Variants in ZNF804B observed in about 807,000 individuals in gnomAD.
ZNF804B encodes the protein zinc finger protein 804B.
A neutral mutation model predicts 101.4 loss-of-function variants in ZNF804B; 80 were observed. That is an observed-to-expected ratio of 0.79 (90% confidence interval 0.66 to 0.95). The LOEUF is 0.95. Ranked by LOEUF, ZNF804B falls within the 40% of genes least tolerant of loss-of-function variation. ZNF804B has a pLI of 0.00. For synonymous variants in ZNF804B, 622 were observed against 558.8 expected (o/e 1.11, Z -1.59); for missense variants, 1,673 against 1,561.9 (o/e 1.07, Z -1.20).
chr7:88,867,272 T>C (rs1791740619), intron 1 of ZNF804B, among the ~76,000 whole-genome samples: 1 of 152,214 alleles, frequency 6.6e-6, no homozygotes, highest in Non-Finnish European at 1.5e-5. Context: ...CAATAGGCTG[T>C]CTGCAAGCTG....
chr7:88,913,709 T>C (rs1792587310), intron 1 of ZNF804B, among the ~76,000 whole-genome samples: 1 of 152,218 alleles, frequency 6.6e-6, no homozygotes, highest in Admixed American at 6.5e-5. Flanking sequence ...ATCTGGTGTA[T>C]TTTTAAGCAT....
intron 1 of ZNF804B, among the ~76,000 whole-genome samples, chr7:89,028,521 T>A (rs1164433808): frequency 6.6e-6 from 1 of 152,174 alleles, no homozygotes; most frequent in Non-Finnish European, 1.5e-5. Context: ...TTGTGGTTTT[T>A]GAATGCCGTT....
At chr7:89,019,178 T>C (rs1469515039) in intron 1 of ZNF804B, among the ~76,000 whole-genome samples, 5 of 152,044 alleles carry the variant, frequency 3.3e-5, no homozygotes, top group Non-Finnish European at 4.4e-5. Flanking sequence ...TGGTGTGCTG[T>C]GTTTTTATTT....
intron 1 of ZNF804B, among the ~76,000 whole-genome samples, chr7:88,835,749 A>C (rs1423207627): frequency 6.6e-6 from 1 of 151,952 alleles, no homozygotes; most frequent in Non-Finnish European, 1.5e-5. Flanking sequence ...ATGCATATAC[A>C]TATATCCTTT....
At position 88,979,273 on chromosome 7, in the gene ZNF804B, A is replaced by G. The variant is rs193069359; in HGVS notation, c.108+219189A>G. 7.9e-5 allele frequency among the ~76,000 whole-genome samples: 12 copies of G among 152,090 alleles called. No individual in the cohort carries two copies. The East Asian group carries it at 2.3e-3, about 30-fold the overall frequency. ...TTCTTTGTATTTAATATCATCAGTA[A>G]GTTTTGTAACTTCAGATGATTTCTT... On this transcript the variant is annotated intron_variant, in intron 1 of 3. Coordinates refer to ENST00000333190, the MANE Select transcript of ZNF804B (RefSeq NM_181646.5).
intron 1 of ZNF804B, among the ~76,000 whole-genome samples, chr7:89,091,050 A>G (rs965797779): frequency 1.1e-4 from 16 of 152,138 alleles, no homozygotes; most frequent in African/African-American, 3.9e-4. Context: ...CTTCGTCTAA[A>G]TTTATCTTTC....
At chr7:89,151,920 C>T (rs1176629915) in intron 1 of ZNF804B, among the ~76,000 whole-genome samples, 1 of 151,898 alleles carries the variant, frequency 6.6e-6, no homozygotes, top group Middle Eastern at 3.2e-3. Context: ...TATTGGTTTC[C>T]CTGTTTTAGT....
intron 1 of ZNF804B, among the ~76,000 whole-genome samples, chr7:88,826,663 A>G (rs1447552086): frequency 6.6e-6 from 1 of 152,052 alleles, no homozygotes; most frequent in Non-Finnish European, 1.5e-5. Flanking sequence ...CAGTATTTTT[A>G]CTTTTCAATA....
At chr7:89,067,535 C>A (rs917204891) in intron 1 of ZNF804B, among the ~76,000 whole-genome samples, 1 of 152,130 alleles carries the variant, frequency 6.6e-6, no homozygotes. Context: ...TCTAGCCCAG[C>A]GGACACAGCA....
intron 1 of ZNF804B, chr7:88,794,207 C>A (rs773765403): frequency 6.2e-7 from 1 of 1,611,732 alleles, no homozygotes; most frequent in Non-Finnish European, 8.5e-7. Context: ...GCAGGCCATA[C>A]CACCTCAGAA....
At chr7:89,193,500 C>A (rs1788494274) in intron 1 of ZNF804B, among the ~76,000 whole-genome samples, 1 of 135,280 alleles carries the variant, frequency 7.4e-6, no homozygotes, top group Non-Finnish European at 1.6e-5. Flanking sequence ...GTGTGATGTT[C>A]CCCTTCATGT....
chr7:89,017,167 G>T (rs922699498), intron 1 of ZNF804B, among the ~76,000 whole-genome samples: 4 of 152,162 alleles, frequency 2.6e-5, no homozygotes, highest in Non-Finnish European at 4.4e-5. Flanking sequence ...GAATGCTTGT[G>T]ATTTTTGTAC....
intron 1 of ZNF804B, among the ~76,000 whole-genome samples, chr7:89,212,704 GTTGTCT>G: frequency 6.6e-6 from 1 of 152,204 alleles, no homozygotes. Context: ...CCTCTCTTAG[GTTGTCT>G]TAGGTGTCTT....
In ZNF804B at chr7:89,334,227, TAAAAC is replaced by T; in HGVS notation, c.1247_1251del (p.Lys416ArgfsTer4). 6.2e-7 allele frequency: 1 copy of T among 1,613,544 alleles called. No homozygotes were observed. Among genetic ancestry groups the T allele is most frequent in the Non-Finnish European group, 8.5e-7 (1 of 1,179,784 alleles). On this transcript the variant is annotated frameshift_variant, in exon 4 of 4. Coordinates refer to ENST00000333190, the MANE Select transcript of ZNF804B (RefSeq NM_181646.5). LOFTEE classifies it high-confidence loss of function. ...TAGAGAACAGAGAAAAATCTTTAGA[TAAAAC>T]AGAAAGAGTTAGCAAAAATGTTCAA...
intron 2 of ZNF804B, among the ~76,000 whole-genome samples, chr7:89,231,577 C>G (rs1398327307): frequency 6.6e-6 from 1 of 152,126 alleles, no homozygotes; most frequent in East Asian, 1.9e-4. Flanking sequence ...CCAATTTATA[C>G]ATATATGTCT....
intron 1 of ZNF804B, among the ~76,000 whole-genome samples, chr7:89,024,499 AT>A (rs1401554418): frequency 6.6e-6 from 1 of 152,016 alleles, no homozygotes; most frequent in Non-Finnish European, 1.5e-5. Flanking sequence ...AGTCTGGACA[AT>A]CATTATATTA....
chr7:89,263,673 C>T (rs1789742410), intron 2 of ZNF804B, among the ~76,000 whole-genome samples: 1 of 151,516 alleles, frequency 6.6e-6, no homozygotes, highest in Admixed American at 6.6e-5. Context: ...TCTGGGTGGA[C>T]CCTAAAGTTA....
intron 1 of ZNF804B, among the ~76,000 whole-genome samples, chr7:89,032,622 C>G (rs941348622): frequency 1.3e-5 from 2 of 151,912 alleles, no homozygotes; most frequent in African/African-American, 4.8e-5. Flanking sequence ...ATTTTAAGAG[C>G]AGTGTAAATA....
In ZNF804B at chr7:89,336,067, G is replaced by C; in HGVS notation, c.3085G>C (p.Gly1029Arg). 2 of 1,613,854 alleles carry C rather than the reference G, an allele frequency of 1.2e-6. No homozygotes were observed. Among genetic ancestry groups the C allele is most frequent in the South Asian group, 1.1e-5 (1 of 91,070 alleles). Residue 1029 changes from glycine to arginine, a missense_variant, in exon 4 of 4, where the codon GGT becomes CGT. Coordinates refer to ENST00000333190, the MANE Select transcript of ZNF804B (RefSeq NM_181646.5). ...DTDCDNHLSK[G>R]IIHLVTESQS... ...TGATTGTGATAACCATCTTTCTAAA[G>C]GTATAATTCACCTAGTAACAGAGTC...
Sources: gnomAD v4.1 joint callset for allele counts (sites outside exome capture counted in the v4.1 genomes callset) on GRCh38, gnomAD v4.1.1 for gene constraint, MANE v1.5 for transcripts, NCBI Gene and HGNC (gene_info 2026-07-23, HGNC 2026-07-21) for gene names.